KAZN: variants seen among roughly 807,000 people sequenced by gnomAD.
KAZN encodes kazrin.
Under a neutral mutation model 87.4 loss-of-function variants are expected in KAZN, and 40 were observed. The observed-to-expected ratio is 0.46, with a 90% confidence interval of 0.36 to 0.60. The LOEUF (loss-of-function observed/expected upper bound fraction) is 0.60, where lower values mean the gene tolerates loss of function less well. Among genes scored for constraint, KAZN ranks in the 20% least tolerant of loss-of-function variants. The probability of loss-of-function intolerance (pLI) is 0.00; values close to 1 mark genes in which losing one functional copy is unlikely to be tolerated. For missense variants in KAZN, 898 were observed against 1,073.9 expected (o/e 0.84, Z 2.29); for synonymous variants, 466 against 458.3 (o/e 1.02, Z -0.22).
chr1:14,983,521 G>C (rs887738252), intron 2 of KAZN, among the ~76,000 whole-genome samples: 4 of 70,622 alleles, frequency 5.7e-5, no homozygotes, highest in African/African-American at 1.8e-4. Flanking sequence ...GACCCCTGTG[G>C]GGGGAGCAAA....
At chr1:14,005,003 TATC>T (rs1467766975) in intron 1 of KAZN, among the ~76,000 whole-genome samples, 21 of 151,492 alleles carry the variant, frequency 1.4e-4, no homozygotes, top group Non-Finnish European at 1.5e-5. Flanking sequence ...AGAAGTCTCT[TATC>T]AGATGCACTC....
intron 2 of KAZN, among the ~76,000 whole-genome samples, chr1:14,532,037 A>G (rs1393064800): frequency 1.3e-5 from 2 of 152,102 alleles, no homozygotes; most frequent in East Asian, 3.9e-4. Context: ...TTTTCATAGA[A>G]TGGATTCCCG....
intron 2 of KAZN, among the ~76,000 whole-genome samples, chr1:14,520,767 A>G (rs1671543780): frequency 6.6e-6 from 1 of 152,162 alleles, no homozygotes; most frequent in Non-Finnish European, 1.5e-5. Flanking sequence ...ACTCCCCCCA[A>G]ACCTTAATTC....
At chr1:14,054,541 G>A (rs1363366485) in intron 1 of KAZN, among the ~76,000 whole-genome samples, 2 of 152,182 alleles carry the variant, frequency 1.3e-5, no homozygotes, top group South Asian at 2.1e-4. Context: ...GGTTTTCCTA[G>A]GGGCTAAATT....
intron 1 of KAZN, among the ~76,000 whole-genome samples, chr1:14,915,935 T>G (rs190121712): frequency 8.8e-4 from 134 of 152,278 alleles, no homozygotes; most frequent in African/African-American, 3.2e-3. Context: ...CTACGTGGGC[T>G]TTAGTCCTGC....
rs187583551 is a variant in KAZN, at chr1:14,308,876, C to G, written c.249+128284C>G. Among the ~76,000 whole-genome samples the G allele has an allele frequency of 1.3e-3, 195 of 152,276 alleles. 1 individual carries two copies. Among genetic ancestry groups the G allele is most frequent in the African/African-American group, 4.5e-3 (187 of 41,560 alleles). On this transcript the variant is annotated intron_variant, in intron 2 of 16. Coordinates refer to the KAZN transcript ENST00000636203. ...GATTTCCTGGTCTGTCAGATTATTT[C>G]CAGGGTGCAGCTCTAAAGACGAGCA...
At chr1:14,872,488 T>C (rs1256173221) in intron 1 of KAZN, among the ~76,000 whole-genome samples, 1 of 152,244 alleles carries the variant, frequency 6.6e-6, no homozygotes, top group East Asian at 1.9e-4. Context: ...TCATTACAGT[T>C]TGCTTTGTAA....
chr1:14,335,717 A>C (rs1469304330), intron 2 of KAZN, among the ~76,000 whole-genome samples: 5 of 152,170 alleles, frequency 3.3e-5, no homozygotes, highest in African/African-American at 1.2e-4. Context: ...CAGTAAAACA[A>C]AACAGACTAA....
intron 1 of KAZN, among the ~76,000 whole-genome samples, chr1:14,039,918 A>G (rs1335678812): frequency 6.6e-6 from 1 of 152,240 alleles, no homozygotes; most frequent in Non-Finnish European, 1.5e-5. Context: ...TTTTAACATC[A>G]AATTGCTAGC....
rs751356561 is a variant in KAZN, at chr1:14,282,204, C to T, written c.249+101612C>T. Among the ~76,000 whole-genome samples the T allele has an allele frequency of 7.6e-4, 115 of 152,180 alleles. 3 individuals are homozygous for T. The highest frequency in any genetic ancestry group is 4.6e-4 in the Admixed American group (7 of 15,288). On this transcript the variant is annotated intron_variant, in intron 2 of 16. Coordinates refer to the KAZN transcript ENST00000636203. ...TCCATACCCTGCACCAGATATGACT[C>T]AATCACTGGACAGGACAGGCACAGA...
intron 1 of KAZN, among the ~76,000 whole-genome samples, chr1:14,162,745 C>T (rs1019015873): frequency 7.2e-5 from 11 of 151,950 alleles, no homozygotes; most frequent in African/African-American, 2.7e-4. Flanking sequence ...GTGGTTTCAC[C>T]GTGTTAGCCA....
At chr1:15,013,843 G>A (rs1026691213) in intron 2 of KAZN, among the ~76,000 whole-genome samples, 1 of 152,110 alleles carries the variant, frequency 6.6e-6, no homozygotes, top group Non-Finnish European at 1.5e-5. Flanking sequence ...GCAGGAGAGT[G>A]AGCCACGTGC....
chr1:14,080,935 C>T (rs563265325), intron 1 of KAZN, among the ~76,000 whole-genome samples: 72 of 152,234 alleles, frequency 4.7e-4, no homozygotes, highest in African/African-American at 1.7e-3. Context: ...CTGTTAAGGC[C>T]ATACTTGTCA....
At chr1:14,012,716 A>C (rs1356453214) in intron 1 of KAZN, among the ~76,000 whole-genome samples, 2 of 152,194 alleles carry the variant, frequency 1.3e-5, no homozygotes, top group Admixed American at 1.3e-4. Flanking sequence ...GAGGCACGAG[A>C]ATCACTTGAA....
chr1:14,252,610 T>C (rs1012659177), intron 2 of KAZN, among the ~76,000 whole-genome samples: 2 of 152,196 alleles, frequency 1.3e-5, no homozygotes, highest in Non-Finnish European at 2.9e-5. Flanking sequence ...GTTGCTCTGT[T>C]GGTATACATT....
At chr1:14,721,891 C>T in intron 1 of KAZN, among the ~76,000 whole-genome samples, 1 of 152,188 alleles carries the variant, frequency 6.6e-6, no homozygotes, top group East Asian at 1.9e-4. Context: ...CGGTGGCTCA[C>T]ACCTGTGATC....
chr1:14,742,313 T>C (rs1157056803), intron 1 of KAZN, among the ~76,000 whole-genome samples: 2 of 152,254 alleles, frequency 1.3e-5, no homozygotes, highest in African/African-American at 2.4e-5. Context: ...TGGCAAGGAC[T>C]CTGCCTAGGT....
At chr1:14,648,350 A>G (rs1680963803) in intron 1 of KAZN, among the ~76,000 whole-genome samples, 2 of 152,222 alleles carry the variant, frequency 1.3e-5, no homozygotes, top group Admixed American at 6.5e-5. Context: ...CACATTTTTT[A>G]AAGGAAATCT....
chr1:14,488,357 G>T (rs1669464826), intron 2 of KAZN, among the ~76,000 whole-genome samples: 1 of 152,158 alleles, frequency 6.6e-6, no homozygotes, highest in African/African-American at 2.4e-5. Context: ...CGTCGCTAAG[G>T]TCTGAACAAT....
Sources: allele counts gnomAD v4.1 joint callset (sites outside exome capture counted in the v4.1 genomes callset), GRCh38; gene constraint gnomAD v4.1.1; transcripts MANE v1.5; gene names NCBI Gene and HGNC (gene_info 2026-07-23, HGNC 2026-07-21).